TNR: variants seen among roughly 807,000 people sequenced by gnomAD.
TNR encodes the protein tenascin R.
In TNR, 45 loss-of-function variants were observed where a neutral mutation model predicts 150.4. The observed-to-expected ratio is 0.30, with a 90% CI of 0.24 to 0.38. TNR has a LOEUF of 0.38. Ranked by LOEUF, TNR falls within the 10% of genes least tolerant of loss-of-function variation. The probability of loss-of-function intolerance (pLI) is 1.00; values close to 1 mark genes in which losing one functional copy is unlikely to be tolerated. For missense variants in TNR, 1,544 were observed against 1,759.1 expected, an observed-to-expected ratio of 0.88 and a Z score of 2.19; for synonymous variants, 687 against 678.4, an observed-to-expected ratio of 1.01 and a Z score of -0.20.
At chr1:175,359,852 G>C in intron 14 of TNR, 121 bp from the exon 15 acceptor site, 1 of 1,278,570 alleles carries the variant, frequency 7.8e-7, no homozygotes, top group African/African-American at 1.5e-5. Context: ...AAACAAAGAA[G>C]TGAGCAGAAA....
At chr1:175,400,119 G>C (rs1178970033) in intron 4 of TNR, among the ~76,000 whole-genome samples, 1 of 152,152 alleles carries the variant, frequency 6.6e-6, no homozygotes, top group African/African-American at 2.4e-5. Flanking sequence ...CCATCACTGG[G>C]GACAGATGTG....
At chr1:175,632,652 T>C (rs1664367666) in intron 1 of TNR, among the ~76,000 whole-genome samples, 1 of 152,172 alleles carries the variant, frequency 6.6e-6, no homozygotes, top group African/African-American at 2.4e-5. Flanking sequence ...AACATTAATA[T>C]CAACCTTTAT....
chr1:175,512,537 A>G (rs1329663072), intron 2 of TNR, among the ~76,000 whole-genome samples: 1 of 152,144 alleles, frequency 6.6e-6, no homozygotes, highest in Non-Finnish European at 1.5e-5. Flanking sequence ...GAGTACTATA[A>G]CCCCAGGCCC....
chr1:175,559,106 A>T (rs556073781), intron 1 of TNR, among the ~76,000 whole-genome samples: 1 of 152,340 alleles, frequency 6.6e-6, no homozygotes, highest in South Asian at 2.1e-4. Flanking sequence ...TATTTTTTAA[A>T]AAAATTTCAC....
chr1:175,435,099 G>T (rs1655442429), intron 2 of TNR, among the ~76,000 whole-genome samples: 1 of 152,220 alleles, frequency 6.6e-6, no homozygotes, highest in Admixed American at 6.5e-5. Flanking sequence ...TACGAGCAGA[G>T]GAGTGACATG....
intron 2 of TNR, among the ~76,000 whole-genome samples, chr1:175,507,267 T>C (rs916224112): frequency 5.3e-5 from 8 of 152,238 alleles, no homozygotes; most frequent in Admixed American, 2.6e-4. Flanking sequence ...CCACACGAGA[T>C]TTCATGGGTT....
intron 2 of TNR, among the ~76,000 whole-genome samples, chr1:175,455,823 G>C (rs766522160): frequency 1.3e-5 from 2 of 152,212 alleles, no homozygotes; most frequent in African/African-American, 2.4e-5. Context: ...GGTCCTTGAG[G>C]ATGAAAGTTG....
intron 1 of TNR, among the ~76,000 whole-genome samples, chr1:175,601,130 CT>C (rs1663218478): frequency 6.6e-6 from 1 of 152,112 alleles, no homozygotes; most frequent in South Asian, 2.1e-4. Flanking sequence ...ACAGAAATGC[CT>C]TTATCTTCTG....
At chr1:175,665,760 C>A (rs1044946314) in intron 1 of TNR, among the ~76,000 whole-genome samples, 28 of 152,330 alleles carry the variant, frequency 1.8e-4, no homozygotes, top group African/African-American at 6.7e-4. Context: ...ATTCCCTTCA[C>A]CTTTTCCAGT....
At chr1:175,535,906 A>AATGTAGGC (rs1322936053) in intron 1 of TNR, among the ~76,000 whole-genome samples, 2 of 152,152 alleles carry the variant, frequency 1.3e-5, no homozygotes, top group Non-Finnish European at 2.9e-5. Context: ...TCTAATTTTA[A>AATGTAGGC]ATGTAGGCAG....
At position 175,386,014 on chromosome 1, in the gene TNR, C is replaced by G; in HGVS notation, c.1777+18G>C. On this transcript the variant is annotated intron_variant, in intron 8 of 22. Transcript: ENST00000367674. The stretch of plus-strand genomic sequence containing the variant: ...CCTCTTTCCCTCCTTGTGCGTCTCT[C>G]CCCCACCGCAGCCTTACCTGTTGTG... 1 of 1,548,042 alleles carries G rather than the reference C, an allele frequency of 6.5e-7. No homozygotes were observed. Among genetic ancestry groups the G allele is most frequent in the East Asian group, 2.3e-5 (1 of 43,752 alleles).
At chr1:175,384,459 C>T (rs1652835164) in intron 8 of TNR, among the ~76,000 whole-genome samples, 1 of 152,212 alleles carries the variant, frequency 6.6e-6, no homozygotes, top group Admixed American at 6.5e-5. Context: ...GCATCTGGCC[C>T]AGGCACTACA....
At chr1:175,331,627 A>G (rs975250478) in intron 20 of TNR, among the ~76,000 whole-genome samples, 57 of 152,190 alleles carry the variant, frequency 3.7e-4, no homozygotes, top group African/African-American at 1.2e-3. Context: ...GGACTCTCCA[A>G]TTTTGATCTA....
At chr1:175,727,046 G>C (rs1007959260) in intron 1 of TNR, among the ~76,000 whole-genome samples, 1 of 152,160 alleles carries the variant, frequency 6.6e-6, no homozygotes, top group African/African-American at 2.4e-5. Context: ...CCTACTCCTT[G>C]ATGACTCCAG....
chr1:175,532,469 G>A (rs1660109899), intron 1 of TNR, among the ~76,000 whole-genome samples: 1 of 152,182 alleles, frequency 6.6e-6, no homozygotes, highest in Non-Finnish European at 1.5e-5. Context: ...ATACAAATGT[G>A]AATGTTTCTT....
intron 2 of TNR, among the ~76,000 whole-genome samples, chr1:175,407,340 A>G (rs1654012202): frequency 6.6e-6 from 1 of 152,234 alleles, no homozygotes; most frequent in Non-Finnish European, 1.5e-5. Context: ...CCTTGGGTAC[A>G]TTTGTGATTA....
Position 175,318,816 on chromosome 1 carries a change from G to A in TNR, c.*4541C>T, listed in dbSNP as rs1303254305. On this transcript the variant is annotated 3_prime_UTR_variant, in exon 23 of 23. Transcript: ENST00000367674. ...CTGAGTATGCAGCTCCTGGCATCTG[G>A]GTGGGAGGCAGACTCCCAGACTTCA... 1 of 152,212 alleles carries A rather than the reference G, an allele frequency of 6.6e-6. No homozygotes were observed. Among genetic ancestry groups the A allele is most frequent in the African/African-American group, 2.4e-5 (1 of 41,442 alleles). The allele number at this position is 152,212 out of a possible 1,614,324, so 9.4% of individuals were successfully genotyped here.
Position 175,406,225 on chromosome 1 carries a change from C to A in TNR, c.490G>T (p.Ala164Ser), listed in dbSNP as rs1289752217. 6.2e-7 allele frequency: 1 copy of A among 1,613,776 alleles called. No individual in the cohort carries two copies. The highest frequency in any genetic ancestry group is 8.5e-7 in the Non-Finnish European group (1 of 1,179,780). The change falls in exon 3 of 23, where the codon GCT becomes TCT. Residue 164 changes from alanine to serine, a missense_variant. Ala to Ser is a moderately conservative substitution (Grantham distance 99). This residue lies in a region of TNR where 1,254 missense variants were observed against 1,329.4 expected (regional missense o/e 0.94). Coordinates refer to ENST00000367674, the MANE Select transcript of TNR (RefSeq NM_003285.3). ...QCNANCCQES[A>S]ATGQLDYIPH... ...AGCTCCCGGACTCTACCTGTGGCAGCACTTTCTTGGCAGCAGTTGGCGTTG... is the reference window on the plus strand; with the variant it reads ...AGCTCCCGGACTCTACCTGTGGCAGAACTTTCTTGGCAGCAGTTGGCGTTG...
At chr1:175,639,212 A>T (rs1664576075) in intron 1 of TNR, among the ~76,000 whole-genome samples, 1 of 152,214 alleles carries the variant, frequency 6.6e-6, no homozygotes, top group African/African-American at 2.4e-5. Context: ...AGCAAAGATT[A>T]CCTGGTGACC....
Sources: allele counts gnomAD v4.1 joint callset (sites outside exome capture counted in the v4.1 genomes callset), GRCh38; gene constraint gnomAD v4.1.1; regional missense constraint gnomAD v4.1.1; transcripts MANE v1.5; gene names NCBI Gene and HGNC (gene_info 2026-07-23, HGNC 2026-07-21).